Variants in ARHGAP39 observed in about 807,000 individuals in gnomAD.
ARHGAP39 encodes rho GTPase-activating protein 39.
A neutral mutation model predicts 106.9 loss-of-function variants in ARHGAP39; 44 were observed. The ratio of observed to expected loss-of-function variants is 0.41; its 90% confidence interval spans 0.32 to 0.53. The LOEUF (loss-of-function observed/expected upper bound fraction) is 0.53, where lower values mean the gene tolerates loss of function less well. Among genes scored for constraint, ARHGAP39 ranks in the 20% least tolerant of loss-of-function variants. The pLI is 0.21. For missense variants in ARHGAP39, 1,496 were observed against 1,577.3 expected (o/e 0.95, Z 0.87); for synonymous variants, 768 against 693.2 (o/e 1.11, Z -1.69).
intron 6 of ARHGAP39, among the ~76,000 whole-genome samples, chr8:144,542,468 C>T (rs952199987): frequency 6.6e-6 from 1 of 152,172 alleles, no homozygotes; most frequent in Non-Finnish European, 1.5e-5. Flanking sequence ...CACCGAGGGT[C>T]CCTAGGCTAC....
chr8:144,631,485 G>A (rs1345261738), intron 1 of ARHGAP39, among the ~76,000 whole-genome samples: 2 of 152,222 alleles, frequency 1.3e-5, no homozygotes, highest in African/African-American at 4.8e-5. Context: ...CCGTTTCACG[G>A]GTGTGATATC....
intron 1 of ARHGAP39, among the ~76,000 whole-genome samples, chr8:144,615,423 G>C (rs533112260): frequency 6.6e-6 from 1 of 151,542 alleles, no homozygotes; most frequent in East Asian, 1.9e-4. Flanking sequence ...TCAGCTCCCC[G>C]AGACACAACC....
chr8:144,652,400 C>T (rs535345015), intron 1 of ARHGAP39, among the ~76,000 whole-genome samples: 1 of 152,252 alleles, frequency 6.6e-6, no homozygotes, highest in South Asian at 2.1e-4. Flanking sequence ...CCAGCAATTC[C>T]ATTATTGGGT....
intron 1 of ARHGAP39, chr8:144,605,937 C>T (rs944204229): frequency 1.6e-5 from 6 of 385,368 alleles, no homozygotes; most frequent in African/African-American, 1.0e-4. Context: ...CAGGATCCCC[C>T]CCATGCCAGT....
chr8:144,561,012 T>C (rs1376888436), intron 3 of ARHGAP39, among the ~76,000 whole-genome samples: 1 of 152,274 alleles, frequency 6.6e-6, no homozygotes. Context: ...TTATGGCATC[T>C]AAAACTGTGT....
At chr8:144,699,453 G>C in the ARHGAP39 span, among the ~76,000 whole-genome samples, 1 of 136,904 alleles carries the variant, frequency 7.3e-6, no homozygotes, top group Non-Finnish European at 1.6e-5. Context: ...TGAGGCGGGG[G>C]TGGGAGGCTG....
rs563293699 is a variant in ARHGAP39, at chr8:144,554,542, G to A, written c.596+1018C>T. 3.3e-5 allele frequency among the ~76,000 whole-genome samples: 5 copies of A among 152,292 alleles called. No homozygotes were observed. In the South Asian group the frequency reaches 6.2e-4, roughly 19 times the overall value. ...CGTCCACCACGAAGGATGCAGTCGC[G>A]TTGGTCCACTAAGCACATGCTGGGT... On this transcript the variant is annotated intron_variant, in intron 4 of 11. Transcript: ENST00000377307.
intron 1 of ARHGAP39, among the ~76,000 whole-genome samples, chr8:144,638,796 C>T (rs1366919829): frequency 2.6e-5 from 4 of 152,184 alleles, no homozygotes; most frequent in Non-Finnish European, 5.9e-5. Context: ...TCCCTCACTG[C>T]CGACATGGAA....
chr8:144,635,586 T>C (rs572689535), intron 1 of ARHGAP39, among the ~76,000 whole-genome samples: 1 of 152,354 alleles, frequency 6.6e-6, no homozygotes, highest in South Asian at 2.1e-4. Flanking sequence ...GAACCCCGAT[T>C]TGTACCTGGT....
chr8:144,552,368 A>T (rs1479286525), intron 4 of ARHGAP39, among the ~76,000 whole-genome samples: 1 of 152,266 alleles, frequency 6.6e-6, no homozygotes, highest in African/African-American at 2.4e-5. Context: ...GCCTGGACGG[A>T]GCTGGGAGAA....
the ARHGAP39 span, among the ~76,000 whole-genome samples, chr8:144,693,009 T>C: frequency 7.3e-5 from 11 of 150,316 alleles, no homozygotes; most frequent in African/African-American, 2.7e-4. Flanking sequence ...TCCGCCTGCC[T>C]CAGCCTCCCA....
intron 1 of ARHGAP39, among the ~76,000 whole-genome samples, chr8:144,634,155 C>G (rs1315397415): frequency 2.0e-5 from 3 of 151,738 alleles, no homozygotes; most frequent in Non-Finnish European, 4.4e-5. Flanking sequence ...GAACTCCAGG[C>G]CTCTGCAGGC....
At chr8:144,562,036 C>T (rs1376680000) in intron 3 of ARHGAP39, among the ~76,000 whole-genome samples, 2 of 143,786 alleles carry the variant, frequency 1.4e-5, no homozygotes, top group Admixed American at 1.4e-4. Context: ...CAGTGGTTTC[C>T]ATCGGACTTA....
At chr8:144,623,888 G>A (rs2954334) in intron 1 of ARHGAP39, among the ~76,000 whole-genome samples, 143,193 of 152,360 alleles carry the variant, frequency 0.94, 67,694 homozygotes, top group Non-Finnish European at 1. Context: ...GAGAAGGACT[G>A]GCAGTGAGTG....
intron 1 of ARHGAP39, among the ~76,000 whole-genome samples, chr8:144,650,797 A>G (rs1195289737): frequency 6.6e-6 from 1 of 152,188 alleles, no homozygotes; most frequent in Admixed American, 6.5e-5. Context: ...CAGCTACATC[A>G]TACTGAATGG....
chr8:144,653,334 T>C (rs1419924774), intron 1 of ARHGAP39, among the ~76,000 whole-genome samples: 1 of 151,948 alleles, frequency 6.6e-6, no homozygotes, highest in Non-Finnish European at 1.5e-5. Flanking sequence ...TATTGAAATA[T>C]GAAATAGAAA....
In ARHGAP39 at chr8:144,580,904, A is replaced by C. The variant is rs758500102; in HGVS notation, c.454T>G (p.Leu152Val). 2 of 1,599,000 alleles carry C rather than the reference A, an allele frequency of 1.3e-6. No individual in the cohort carries two copies. Among genetic ancestry groups the C allele is most frequent in the East Asian group, 4.5e-5 (2 of 44,686 alleles). ...PEPDTEKAQE[L>V]PARAGRPAAF... ...GCGGGCCGCCCGGCCCTCGCTGGCA[A>C]CTCCTGCGCTTTCTCAGTGTCGGGC... is the stretch of plus-strand genomic sequence containing the variant. The change falls in exon 3 of 12, where the codon TTG becomes GTG. Residue 152 changes from leucine to valine, a missense_variant. Coordinates refer to ENST00000377307, the MANE Select transcript of ARHGAP39 (RefSeq NM_025251.3).
intron 1 of ARHGAP39, among the ~76,000 whole-genome samples, chr8:144,643,324 C>T (rs1821358571): frequency 6.6e-6 from 1 of 152,052 alleles, no homozygotes; most frequent in Non-Finnish European, 1.5e-5. Context: ...CATGGTGGTG[C>T]ACACCTGCAT....
upstream of ARHGAP39, among the ~76,000 whole-genome samples, chr8:144,686,928 C>CACTTCCCACCCCGT (rs1563738886): frequency 2.2e-5 from 1 of 44,590 alleles, no homozygotes; most frequent in Non-Finnish European, 4.6e-5. Flanking sequence ...ACACTGGCGG[C>CACTTCCCACCCCGT]GACCATTTCC....
Sources: gnomAD v4.1 joint callset for allele counts (sites outside exome capture counted in the v4.1 genomes callset) on GRCh38, gnomAD v4.1.1 for gene constraint, MANE v1.5 for transcripts, NCBI Gene and HGNC (gene_info 2026-07-23, HGNC 2026-07-21) for gene names.